The following CNDP2 variants were observed in gnomAD, a reference collection of about 807,000 sequenced individuals.
CNDP2 encodes the protein cytosolic non-specific dipeptidase.
CNDP2 carries 38 observed loss-of-function variants against 55.0 expected under a neutral mutation model. The observed-to-expected ratio is 0.69, with a 90% CI of 0.53 to 0.90. The LOEUF is 0.90. Ranked by LOEUF, CNDP2 falls within the 40% of genes least tolerant of loss-of-function variation. The pLI is 0.00. For missense variants in CNDP2, 607 were observed against 621.7 expected (o/e 0.98, Z 0.25); for synonymous variants, 241 against 260.2 (o/e 0.93, Z 0.71).
Position 74,518,150 on chromosome 18 carries a change from G to A in CNDP2, c.1069-349G>A, listed in dbSNP as rs578142057. 8.6e-4 allele frequency: 146 copies of A among 170,042 alleles called. 3 individuals are homozygous for A. The South Asian group carries it at 0.013, about 15-fold the overall frequency. The allele number at this position is 170,042 out of a possible 1,614,324, so 10.5% of individuals were successfully genotyped here. A position where few individuals can be genotyped will look rare whatever the true frequency, so the allele number is the denominator to read the frequency against. ...GTGGCGGGCGCCTGTAGTCCCAGCT[G>A]CTCAGAGAGGCTGAGGCAGGAGAAT... On this transcript the variant is annotated intron_variant, in intron 9 of 11. Coordinates refer to ENST00000324262, the MANE Select transcript of CNDP2 (RefSeq NM_018235.3).
intron 2 of CNDP2, 194 bp from the exon 3 acceptor site, chr18:74,501,135 C>G (rs1304976129): frequency 2.4e-5 from 29 of 1,188,336 alleles, no homozygotes; most frequent in African/African-American, 3.1e-5. Flanking sequence ...GAGGGTCTCT[C>G]TCTTCCCTCA....
At chr18:74,518,224 T>C (rs904056760) in intron 9 of CNDP2, 20 of 239,780 alleles carry the variant, frequency 8.3e-5, no homozygotes, top group East Asian at 7.3e-4. Flanking sequence ...ATCACGCCAC[T>C]GTGCTCCAGC....
intron 2 of CNDP2, among the ~76,000 whole-genome samples, chr18:74,500,465 T>C (rs536755471): frequency 6.6e-6 from 1 of 152,366 alleles, no homozygotes; most frequent in East Asian, 1.9e-4. Flanking sequence ...AATTTGGCCA[T>C]TGTCGGGATG....
Position 74,520,248 on chromosome 18 carries a change from C to A in CNDP2, c.*180C>A. The A allele has an allele frequency of 1.7e-6, 1 of 600,732 alleles. No individual in the cohort carries two copies. Among genetic ancestry groups the A allele is most frequent in the Non-Finnish European group, 2.9e-6 (1 of 339,046 alleles). The allele number at this position is 600,732 out of a possible 1,614,324, so 37.2% of individuals were successfully genotyped here. A position where few individuals can be genotyped will look rare whatever the true frequency, so the allele number is the denominator to read the frequency against. The stretch of plus-strand genomic sequence containing the variant: ...TCCACGGGTGGAGCTACCCGTTGGG[C>A]TTATGAGTGACCTGGAGTGACAGCT... On this transcript the variant is annotated 3_prime_UTR_variant, in exon 12 of 12. Coordinates refer to ENST00000324262, the MANE Select transcript of CNDP2 (RefSeq NM_018235.3).
intron 9 of CNDP2, chr18:74,518,285 G>A: frequency 2.2e-6 from 1 of 460,406 alleles, no homozygotes; most frequent in East Asian, 3.5e-5. Context: ...AATAAAAAAA[G>A]AAGTCTCCTC....
chr18:74,503,437 T>C lies in CNDP2; in HGVS notation c.204+1965T>C, dbSNP rs577870032. On this transcript the variant is annotated intron_variant, in intron 3 of 11. Coordinates refer to ENST00000324262, the MANE Select transcript of CNDP2 (RefSeq NM_018235.3). ...AGGTGGAAGTGGGTGTTTTCCTGTG[T>C]CAGTGCAGAAGTCAGAGTATTTTCA... Among the ~76,000 whole-genome samples the C allele has an allele frequency of 9.2e-5, 14 of 152,306 alleles. No individual in the cohort carries two copies. In the South Asian group the frequency reaches 1.5e-3, roughly 16 times the overall value.
chr18:74,512,853 G>A (rs1979432018), intron 7 of CNDP2, among the ~76,000 whole-genome samples: 1 of 152,120 alleles, frequency 6.6e-6, no homozygotes, highest in Admixed American at 6.5e-5. Flanking sequence ...TCTCTGGTGT[G>A]GTCATTTTCC....
Position 74,502,471 on chromosome 18 carries a change from TGG to T in CNDP2, c.204+1000_204+1001del, listed in dbSNP as rs1491346557. Among the ~76,000 whole-genome samples the T allele has an allele frequency of 2.8e-5, 4 of 144,596 alleles. No homozygotes were observed. In the East Asian group the frequency reaches 6.3e-4, roughly 23 times the overall value. The allele number at this position is 144,596 out of a possible 152,430, so 94.9% of individuals were successfully genotyped here. A position where few individuals can be genotyped will look rare whatever the true frequency, so the allele number is the denominator to read the frequency against. Reference sequence around the variant, plus strand: ...TATATGTGTGTTTTTTTTGTCTTTTTGGTTTTTTTTTTTGTCGGGATGGGGTT... The same window carrying T: ...TATATGTGTGTTTTTTTTGTCTTTTTTTTTTTTTTTTGTCGGGATGGGGTT... On this transcript the variant is annotated intron_variant, in intron 3 of 11. Coordinates refer to ENST00000324262, the MANE Select transcript of CNDP2 (RefSeq NM_018235.3).
Position 74,499,782 on chromosome 18 carries a change from G to C in CNDP2, c.-92-100G>C. ...GGTTCCCAAAGTTTTTGTCTCTGAA[G>C]CCGCAGTCACTTCCTGGAGCGTCTC... On this transcript the variant is annotated intron_variant, in intron 1 of 11. Transcript: ENST00000324262. 4.4e-6 allele frequency: 2 copies of C among 457,268 alleles called. 1 individual carries two copies. Among genetic ancestry groups the C allele is most frequent in the Non-Finnish European group, 7.8e-6 (2 of 255,884 alleles). The allele number at this position is 457,268 out of a possible 1,614,324, so 28.3% of individuals were successfully genotyped here.
intron 3 of CNDP2, 41 bp downstream of exon 3, chr18:74,501,513 A>AT: frequency 6.4e-7 from 1 of 1,571,256 alleles, no homozygotes; most frequent in Non-Finnish European, 8.7e-7. Flanking sequence ...CCGTAGACAG[A>AT]TTCTGCCTGA....
chr18:74,500,482 A>T (rs1978630936), intron 2 of CNDP2, among the ~76,000 whole-genome samples: 1 of 152,250 alleles, frequency 6.6e-6, no homozygotes, highest in Admixed American at 6.5e-5. Flanking sequence ...GATGATAAAT[A>T]AGCTAATTTG....
rs140579393 is a variant in CNDP2, at chr18:74,513,647, C to T, written c.831C>T (p.Tyr277=). 2.0e-5 allele frequency: 32 copies of T among 1,613,950 alleles called. No homozygotes were observed. Among genetic ancestry groups the T allele is most frequent in the Non-Finnish European group, 2.5e-5 (30 of 1,180,018 alleles). Residue 277 remains tyrosine, a synonymous_variant, in exon 8 of 12, where the codon TAC becomes TAT. Coordinates refer to ENST00000324262, the MANE Select transcript of CNDP2 (RefSeq NM_018235.3). ...TCACGGAAGAGGAGCACAAGCTGTA[C>T]GACGACATCGACTTTGACATAGAGG... ...AAVTEEEHKL[Y]DDIDFDIEEF... is the part of the protein sequence containing the mutation.
Position 74,501,438 on chromosome 18 carries a change from G to C in CNDP2, c.170G>C (p.Gly57Ala), listed in dbSNP as rs1389599291. Residue 57 changes from glycine to alanine, a missense_variant, in exon 3 of 12, where the codon GGC (glycine) becomes GCC (alanine). Transcript: ENST00000324262. ...VAAADVKQLG[G>A]SVELVDIGKQ... ...GCTGCAGATGTTAAGCAGTTGGGGG[G>C]CTCTGTGGAACTGGTGGATATCGGA... is the stretch of plus-strand genomic sequence containing the variant. The C allele has an allele frequency of 1.2e-6, 2 of 1,614,036 alleles. No homozygotes were observed. The highest frequency in any genetic ancestry group is 8.5e-7 in the Non-Finnish European group (1 of 1,179,976).
chr18:74,518,537 C>T lies in CNDP2; in HGVS notation c.1107C>T (p.Arg369=). The T allele has an allele frequency of 6.2e-7, 1 of 1,614,222 alleles. No homozygotes were observed. Among genetic ancestry groups the T allele is most frequent in the Non-Finnish European group, 8.5e-7 (1 of 1,180,040 alleles). The change falls in exon 10 of 12, where the codon CGC becomes CGT. Residue 369 remains arginine, a synonymous_variant. Coordinates refer to ENST00000324262, the MANE Select transcript of CNDP2 (RefSeq NM_018235.3). The stretch of plus-strand genomic sequence containing the variant: ...TAACTAAGAAGTTTGCTGAACTACG[C>T]AGCCCCAATGAGTTCAAGGTGTACA... ...SYLTKKFAEL[R]SPNEFKVYMG...
intron 11 of CNDP2, among the ~76,000 whole-genome samples, chr18:74,519,298 G>A (rs1979916549): frequency 6.6e-6 from 1 of 152,188 alleles, no homozygotes; most frequent in African/African-American, 2.4e-5. Context: ...TAAAAACAAG[G>A]TTCATGCAGT....
intron 9 of CNDP2, chr18:74,516,600 G>A (rs1568282622): frequency 3.5e-6 from 2 of 568,842 alleles, no homozygotes; most frequent in African/African-American, 2.1e-5. Flanking sequence ...TACTGATGAG[G>A]CAGGCCAAAA....
At chr18:74,502,472 G>GTTTTTTTT (rs139713521) in intron 3 of CNDP2, among the ~76,000 whole-genome samples, 2 of 148,606 alleles carry the variant, frequency 1.3e-5, no homozygotes, top group African/African-American at 2.5e-5. Context: ...TTGTCTTTTT[G>GTTTTTTTT]GTTTTTTTTT....
chr18:74,519,942 C>A, intron 11 of CNDP2, 57 bp from the exon 12 acceptor site: 1 of 1,535,280 alleles, frequency 6.5e-7, no homozygotes, highest in Non-Finnish European at 9.0e-7. Context: ...AGTCACCCCA[C>A]ACCTGGGTGT....
chr18:74,505,852 C>G lies in CNDP2; in HGVS notation c.208C>G (p.Pro70Ala). 1 of 1,612,598 alleles carries G rather than the reference C, an allele frequency of 6.2e-7. No homozygotes were observed. The highest frequency in any genetic ancestry group is 2.2e-5 in the East Asian group (1 of 44,808). ...TTCCTTTCCTCTCCATGCTCAGCTC[C>G]CTGATGGCTCGGAGATCCCGCTCCC... Reference protein sequence around the residue: ...ELVDIGKQKLPDGSEIPLPPI... With the variant: ...ELVDIGKQKLADGSEIPLPPI... The change falls in exon 4 of 12, where the codon CCT becomes GCT. Residue 70 changes from proline (P) to alanine (A), a missense_variant. Transcript: ENST00000324262.
Sources: gnomAD v4.1 joint callset for allele counts (sites outside exome capture counted in the v4.1 genomes callset) on GRCh38, gnomAD v4.1.1 for gene constraint, MANE v1.5 for transcripts, NCBI Gene and HGNC (gene_info 2026-07-23, HGNC 2026-07-21) for gene names.